RIMS2: variants seen among roughly 807,000 people sequenced by gnomAD.
RIMS2 encodes the protein regulating synaptic membrane exocytosis protein 2.
A neutral mutation model predicts 174.4 loss-of-function variants in RIMS2; 59 were observed. The ratio of observed to expected loss-of-function variants is 0.34; its 90% CI spans 0.27 to 0.42. RIMS2 has a LOEUF of 0.42. Among genes scored for constraint, RIMS2 ranks in the 10% least tolerant of loss-of-function variants. RIMS2 has a pLI of 1.00. For synonymous variants in RIMS2, 606 were observed against 572.5 expected (o/e 1.06, Z -0.84); for missense variants, 1,620 against 1,666.3 (o/e 0.97, Z 0.48).
At chr8:103,927,026 G>T (rs1271837025) in intron 10 of RIMS2, among the ~76,000 whole-genome samples, 6 of 151,390 alleles carry the variant, frequency 4.0e-5, no homozygotes, top group African/African-American at 1.5e-4. Context: ...TCTACAAATT[G>T]TAAGTAGAAG....
intron 3 of RIMS2, among the ~76,000 whole-genome samples, chr8:103,883,274 C>T (rs776352076): frequency 2.4e-4 from 37 of 151,566 alleles, no homozygotes; most frequent in Non-Finnish European, 1.3e-4. Flanking sequence ...TTATATAGTT[C>T]GAAATAACTG....
At chr8:104,098,207 T>A (rs896287296) in intron 19 of RIMS2, among the ~76,000 whole-genome samples, 1 of 152,168 alleles carries the variant, frequency 6.6e-6, no homozygotes, top group African/African-American at 2.4e-5. Context: ...TAATGAGTAA[T>A]ATATTTATAC....
At chr8:103,761,797 T>C (rs1417494755) in intron 2 of RIMS2, among the ~76,000 whole-genome samples, 1 of 152,224 alleles carries the variant, frequency 6.6e-6, no homozygotes, top group African/African-American at 2.4e-5. Context: ...CACATATTTA[T>C]AAGCAGGTTG....
At chr8:103,842,295 A>C (rs1385355238) in intron 3 of RIMS2, among the ~76,000 whole-genome samples, 1 of 152,080 alleles carries the variant, frequency 6.6e-6, no homozygotes, top group African/African-American at 2.4e-5. Flanking sequence ...ACATATAAGA[A>C]ATAAAAAGGC....
intron 1 of RIMS2, among the ~76,000 whole-genome samples, chr8:103,525,988 A>G (rs1586796025): frequency 6.6e-6 from 1 of 152,192 alleles, no homozygotes; most frequent in South Asian, 2.1e-4. Flanking sequence ...AGGAAACCCA[A>G]AAGGTGAGCT....
At chr8:103,613,493 C>T (rs1589044379) in intron 1 of RIMS2, among the ~76,000 whole-genome samples, 1 of 152,324 alleles carries the variant, frequency 6.6e-6, no homozygotes, top group East Asian at 1.9e-4. Context: ...AAATTCTCTC[C>T]AAGAGCCTAA....
At chr8:103,828,917 T>C (rs1294563431) in intron 3 of RIMS2, among the ~76,000 whole-genome samples, 2 of 152,162 alleles carry the variant, frequency 1.3e-5, no homozygotes, top group African/African-American at 2.4e-5. Context: ...TCTGTTCTGT[T>C]GGACTTTATA....
At chr8:103,770,351 G>A (rs916551233) in intron 3 of RIMS2, among the ~76,000 whole-genome samples, 5 of 152,124 alleles carry the variant, frequency 3.3e-5, no homozygotes, top group South Asian at 2.1e-4. Context: ...CGAGGAGGGC[G>A]GATCACCTGA....
intron 3 of RIMS2, among the ~76,000 whole-genome samples, chr8:103,768,081 G>A (rs1331696303): frequency 6.6e-6 from 1 of 152,130 alleles, no homozygotes; most frequent in Non-Finnish European, 1.5e-5. Context: ...AATGTGGTTG[G>A]GTTGCTGGTA....
intron 1 of RIMS2, among the ~76,000 whole-genome samples, chr8:103,660,821 A>G (rs905060767): frequency 3.3e-5 from 5 of 152,248 alleles, no homozygotes; most frequent in Non-Finnish European, 7.3e-5. Context: ...TAGGTTGCTC[A>G]GAAAAGGATA....
intron 1 of RIMS2, among the ~76,000 whole-genome samples, chr8:103,537,060 A>G (rs1268032538): frequency 1.3e-5 from 2 of 152,256 alleles, no homozygotes; most frequent in Admixed American, 6.5e-5. Context: ...ACATAGATGA[A>G]GAAGACATGG....
intron 19 of RIMS2, among the ~76,000 whole-genome samples, chr8:104,152,546 A>G (rs2098696160): frequency 6.6e-6 from 1 of 152,106 alleles, no homozygotes; most frequent in African/African-American, 2.4e-5. Context: ...CTTAAGAAAA[A>G]AATGGAATCA....
chr8:103,663,056 C>T (rs1389049772), intron 1 of RIMS2, among the ~76,000 whole-genome samples: 1 of 151,952 alleles, frequency 6.6e-6, no homozygotes, highest in East Asian at 1.9e-4. Context: ...TGTAATCCAG[C>T]TACTCAGGGG....
intron 3 of RIMS2, among the ~76,000 whole-genome samples, chr8:103,857,353 TA>T (rs2099033596): frequency 6.6e-6 from 1 of 152,212 alleles, no homozygotes; most frequent in Non-Finnish European, 1.5e-5. Context: ...TTGCATATTG[TA>T]ATGCTCACTT....
At chr8:103,911,681 A>T (rs1342101505) in intron 5 of RIMS2, among the ~76,000 whole-genome samples, 1 of 152,230 alleles carries the variant, frequency 6.6e-6, no homozygotes, top group Non-Finnish European at 1.5e-5. Context: ...TCACTTGCGT[A>T]GAATTTCAAT....
intron 19 of RIMS2, among the ~76,000 whole-genome samples, chr8:104,173,613 A>ATT (rs71297262): frequency 0.033 from 1,775 of 54,222 alleles, 457 homozygotes; most frequent in Non-Finnish European, 0.042. Flanking sequence ...AGCTCTTCTG[A>ATT]TTTTTTTTTT....
At chr8:104,097,728 T>C (rs183445733) in intron 19 of RIMS2, among the ~76,000 whole-genome samples, 1 of 152,288 alleles carries the variant, frequency 6.6e-6, no homozygotes. Context: ...GCAGTTAGGA[T>C]TTTGGATTTT....
At chr8:103,570,999 C>T (rs1349694814) in intron 1 of RIMS2, among the ~76,000 whole-genome samples, 2 of 152,158 alleles carry the variant, frequency 1.3e-5, no homozygotes, top group Admixed American at 1.3e-4. Context: ...TGTTCTTGTA[C>T]TGTCCTAATG....
rs560736746 is a variant in RIMS2, at chr8:103,741,377, A to G, written c.388-24850A>G. ...AGAGGTTGGTTAGAACAATTCACTC[A>G]ATTCTTTGAAGTCTTTCCAAATTAT... On this transcript the variant is annotated intron_variant, in intron 2 of 23. Transcript: ENST00000504942. Among the ~76,000 whole-genome samples, 4 of 152,240 alleles carry G rather than the reference A, an allele frequency of 2.6e-5. No homozygotes were observed. The East Asian group carries it at 7.7e-4, about 29-fold the overall frequency.
Sources: gnomAD v4.1 joint callset for allele counts (sites outside exome capture counted in the v4.1 genomes callset) on GRCh38, gnomAD v4.1.1 for gene constraint, MANE v1.5 for transcripts, NCBI Gene and HGNC (gene_info 2026-07-23, HGNC 2026-07-21) for gene names.